Variants in BICRAL observed in about 807,000 individuals in gnomAD.
BICRAL encodes the protein BICRA like chromatin remodeling complex associated protein.
Under a neutral mutation model 91.8 loss-of-function variants are expected in BICRAL, and 8 were observed. The observed-to-expected ratio is 0.09, with a 90% CI of 0.05 to 0.16. BICRAL has a LOEUF of 0.16. Ranked by LOEUF, BICRAL falls within the 10% of genes least tolerant of loss-of-function variation. The pLI is 1.00. For synonymous variants in BICRAL, 445 were observed against 491.1 expected (o/e 0.91, Z 1.24); for missense variants, 1,038 against 1,310.9 (o/e 0.79, Z 3.21).
chr6:42,785,562 C>CAA (rs5875817), intron 1 of BICRAL, among the ~76,000 whole-genome samples: 60,822 of 126,224 alleles, frequency 0.48, 14,271 homozygotes, highest in African/African-American at 0.63. Context: ...ACTCCCATCT[C>CAA]AAAAAAAAAA....
intron 1 of BICRAL, among the ~76,000 whole-genome samples, chr6:42,784,103 AGGTGATGGG>A (rs1763031197): frequency 6.6e-6 from 1 of 152,186 alleles, no homozygotes; most frequent in Non-Finnish European, 1.5e-5. Context: ...GATTACGGGA[AGGTGATGGG>A]TTCCAGTTTT....
At position 42,828,602 on chromosome 6, in the gene BICRAL, A is replaced by G. The variant is rs774703670; in HGVS notation, c.269A>G (p.Glu90Gly). ...SSLQFLEDEL[E>G]SSPLPDLTED... ...CTCCAGTTTCTTGAAGATGAACTCG[A>G]GTCTTCTCCTCTTCCTGATCTCACT... is the stretch of plus-strand genomic sequence containing the variant. The change falls in exon 6 of 13, where the codon GAG becomes GGG. Residue 90 changes from glutamate to glycine, a missense_variant. Coordinates refer to ENST00000314073, the MANE Select transcript of BICRAL (RefSeq NM_001393499.1). 2 of 1,614,094 alleles carry G rather than the reference A, an allele frequency of 1.2e-6. No individual in the cohort carries two copies. The highest frequency in any genetic ancestry group is 1.7e-6 in the Non-Finnish European group (2 of 1,180,014).
chr6:42,847,576 G>A lies in BICRAL; in HGVS notation c.1840-4516G>A, dbSNP rs567667008. Among the ~76,000 whole-genome samples the A allele has an allele frequency of 4.6e-5, 7 of 151,306 alleles. No homozygotes were observed. The East Asian group carries it at 5.9e-4, about 13-fold the overall frequency. ...GAGGATCTCTTGAGCCCAGGAGTTC[G>A]AGACCAGCCTGGGCAACATAGGAAG... On this transcript the variant is annotated intron_variant, in intron 6 of 12. Coordinates refer to ENST00000314073, the MANE Select transcript of BICRAL (RefSeq NM_001393499.1).
At chr6:42,783,310 G>C (rs915884497) in intron 1 of BICRAL, among the ~76,000 whole-genome samples, 1 of 152,120 alleles carries the variant, frequency 6.6e-6, no homozygotes, top group Non-Finnish European at 1.5e-5. Context: ...CGAGGCCCGC[G>C]CTGTTCGCCG....
chr6:42,858,873 C>G (rs999307433), intron 10 of BICRAL, among the ~76,000 whole-genome samples: 1 of 151,992 alleles, frequency 6.6e-6, no homozygotes, highest in African/African-American at 2.4e-5. Flanking sequence ...TTCCCCAAAC[C>G]TAGAACTCCT....
Position 42,864,741 on chromosome 6 carries a change from T to G in BICRAL, c.2535T>G (p.His845Gln). The change falls in exon 13 of 13, where the codon CAT becomes CAG. Residue 845 changes from histidine (H) to glutamine (Q), a missense_variant. Physicochemically the swap from His to Gln is conservative, Grantham distance 24. This residue lies in a region of BICRAL where 294 missense variants were observed against 292.6 expected (regional missense o/e 1.00). Transcript: ENST00000314073. ...CACAGTTTGGCCGGAGTGACCAGCA[T>G]GGCAGTAAAGCAAGCAGCTCTCTGC... ...HETQFGRSDQ[H>Q]GSKASSSLQP... The G allele has an allele frequency of 6.2e-7, 1 of 1,614,158 alleles. No homozygotes were observed. Among genetic ancestry groups the G allele is most frequent in the South Asian group, 1.1e-5 (1 of 91,082 alleles).
At chr6:42,851,257 C>A (rs1765168564) in intron 6 of BICRAL, among the ~76,000 whole-genome samples, 1 of 152,118 alleles carries the variant, frequency 6.6e-6, no homozygotes, top group Non-Finnish European at 1.5e-5. Flanking sequence ...CATGGTGGTG[C>A]ATGCATACAA....
At chr6:42,831,944 G>A (rs1004851286) in intron 6 of BICRAL, among the ~76,000 whole-genome samples, 2 of 151,400 alleles carry the variant, frequency 1.3e-5, no homozygotes, top group Non-Finnish European at 2.9e-5. Flanking sequence ...TCACCATGTC[G>A]CCCAGGCTGG....
Position 42,867,629 on chromosome 6 carries a change from T to A in BICRAL, c.*2183T>A, listed in dbSNP as rs1380488232. 1 of 152,270 alleles carries A rather than the reference T, an allele frequency of 6.6e-6. No homozygotes were observed. Among genetic ancestry groups the A allele is most frequent in the Non-Finnish European group, 1.5e-5 (1 of 68,038 alleles). The allele number at this position is 152,270 out of a possible 1,614,324, so 9.4% of individuals were successfully genotyped here. Reference sequence around the variant, plus strand: ...TCATGTGGGCTGCTAGTGAGTTACATTAATTACTGCAAATCAGTGGAATTC... The same window carrying A: ...TCATGTGGGCTGCTAGTGAGTTACAATAATTACTGCAAATCAGTGGAATTC... On this transcript the variant is annotated 3_prime_UTR_variant, in exon 13 of 13. Coordinates refer to ENST00000314073, the MANE Select transcript of BICRAL (RefSeq NM_001393499.1).
At chr6:42,844,610 G>A (rs1421940386) in intron 6 of BICRAL, among the ~76,000 whole-genome samples, 1 of 150,770 alleles carries the variant, frequency 6.6e-6, no homozygotes, top group Non-Finnish European at 1.5e-5. Flanking sequence ...AGGAGTGGGC[G>A]TTCTGATAGA....
chr6:42,801,205 C>T (rs569429216), intron 1 of BICRAL, among the ~76,000 whole-genome samples: 1 of 142,824 alleles, frequency 7.0e-6, no homozygotes, highest in Non-Finnish European at 1.5e-5. Context: ...GAGCCGAGAT[C>T]AAGCCACTGC....
At chr6:42,853,331 T>G (rs1319676800) in intron 7 of BICRAL, among the ~76,000 whole-genome samples, 23 of 152,194 alleles carry the variant, frequency 1.5e-4, no homozygotes, top group Admixed American at 1.5e-3. Flanking sequence ...TTTGGGATTC[T>G]GTAGTGCTGA....
At chr6:42,746,672 C>A (rs1414546878), upstream of BICRAL, among the ~76,000 whole-genome samples, 8 of 151,822 alleles carry the variant, frequency 5.3e-5, no homozygotes, top group Admixed American at 1.3e-4. Context: ...ACCACCCCTT[C>A]CCCCAACCCA....
chr6:42,828,268 G>A (rs1764362203), intron 5 of BICRAL, among the ~76,000 whole-genome samples: 1 of 152,094 alleles, frequency 6.6e-6, no homozygotes, highest in South Asian at 2.1e-4. Flanking sequence ...GGGCGCGGTG[G>A]CAGGCGCCTG....
intron 1 of BICRAL, among the ~76,000 whole-genome samples, chr6:42,756,538 T>C (rs180758891): frequency 6.6e-6 from 1 of 152,196 alleles, no homozygotes; most frequent in African/African-American, 2.4e-5. Flanking sequence ...AGACCTGATC[T>C]TCCAACTGCT....
chr6:42,782,201 G>A (rs1422473953), intron 1 of BICRAL, 100 bp downstream of exon 1: 1 of 150,954 alleles, frequency 6.6e-6, no homozygotes, highest in East Asian at 1.9e-4. Context: ...CTTCGGGGAG[G>A]GGAAAAGCGA....
intron 6 of BICRAL, among the ~76,000 whole-genome samples, chr6:42,844,249 C>T (rs1008148106): frequency 2.0e-5 from 3 of 150,322 alleles, no homozygotes; most frequent in Non-Finnish European, 3.0e-5. Context: ...CGGTGGCTCA[C>T]GCCTGTAATC....
upstream of BICRAL, among the ~76,000 whole-genome samples, chr6:42,780,861 C>T (rs1762889443): frequency 6.6e-6 from 1 of 151,946 alleles, no homozygotes; most frequent in Non-Finnish European, 1.5e-5. Flanking sequence ...CTCAGCCTCC[C>T]GAGTAGCTGG....
chr6:42,841,814 G>A (rs148640241), intron 6 of BICRAL, among the ~76,000 whole-genome samples: 86 of 152,244 alleles, frequency 5.6e-4, no homozygotes, highest in African/African-American at 1.8e-3. Context: ...TTGTTCCCAC[G>A]TCACAGCAGA....
Sources: allele counts gnomAD v4.1 joint callset (sites outside exome capture counted in the v4.1 genomes callset), GRCh38; gene constraint gnomAD v4.1.1; regional missense constraint gnomAD v4.1.1; transcripts MANE v1.5; gene names NCBI Gene and HGNC (gene_info 2026-07-23, HGNC 2026-07-21).